NTM: variants seen among roughly 807,000 people sequenced by gnomAD.
The protein encoded by NTM is neurotrimin, also known as IgLON family member 2.
Under a neutral mutation model 42.1 loss-of-function variants are expected in NTM, and 13 were observed. The observed-to-expected ratio is 0.31, with a 90% CI of 0.20 to 0.49. NTM has a LOEUF of 0.49. NTM is among the 20% of genes least tolerant of loss of function. NTM has a pLI of 0.99. For synonymous variants in NTM, 187 were observed against 179.2 expected (o/e 1.04, Z -0.35); for missense variants, 373 against 452.8 (o/e 0.82, Z 1.60).
At chr11:132,268,027 T>C (rs1018984532) in intron 4 of NTM, among the ~76,000 whole-genome samples, 5 of 152,140 alleles carry the variant, frequency 3.3e-5, no homozygotes, top group African/African-American at 1.2e-4. Context: ...GGACAGGCTC[T>C]TAGGAGTCAA....
intron 1 of NTM, among the ~76,000 whole-genome samples, chr11:131,651,511 A>G (rs1207489694): frequency 1.3e-5 from 2 of 152,210 alleles, no homozygotes; most frequent in Non-Finnish European, 2.9e-5. Flanking sequence ...GCTCGGGACT[A>G]GTGCATTTAA....
chr11:131,424,795 T>TTCTGACC (rs1269290050), intron 1 of NTM, among the ~76,000 whole-genome samples: 1 of 148,138 alleles, frequency 6.8e-6, no homozygotes, highest in Non-Finnish European at 1.5e-5. Flanking sequence ...GGTCTGGATC[T>TTCTGACC]TCTGACCTCG....
intron 1 of NTM, among the ~76,000 whole-genome samples, chr11:131,507,191 G>A (rs1290296120): frequency 2.6e-5 from 4 of 152,204 alleles, no homozygotes; most frequent in African/African-American, 9.6e-5. Flanking sequence ...AACCTAAGTT[G>A]AAATTTGCTC....
chr11:132,240,615 C>A (rs1394302229), intron 4 of NTM, among the ~76,000 whole-genome samples: 1 of 152,194 alleles, frequency 6.6e-6, no homozygotes, highest in Admixed American at 6.5e-5. Context: ...CTGGAGACTA[C>A]GCATTTGCCA....
At chr11:131,831,203 AC>A (rs1565606220) in intron 1 of NTM, among the ~76,000 whole-genome samples, 1 of 152,038 alleles carries the variant, frequency 6.6e-6, no homozygotes, top group African/African-American at 2.4e-5. Context: ...GCTGGGACTC[AC>A]TTTTAAAATT....
chr11:131,818,419 C>G (rs1348155500), intron 1 of NTM, among the ~76,000 whole-genome samples: 1 of 152,154 alleles, frequency 6.6e-6, no homozygotes, highest in East Asian at 1.9e-4. Context: ...GGGACTATAT[C>G]CCTCTTGGCT....
chr11:132,310,170 A>G lies in NTM; in HGVS notation c.720A>G (p.Thr240=). Residue 240 remains threonine, a synonymous_variant, in exon 6 of 9, where the codon ACA becomes ACG. Transcript: ENST00000683400. ...GTGTCCCCGTGGGACAAAAGGGGAC[A>G]CTGCAGTGTGAAGCCTCAGCAGTCC... ...GTGVPVGQKG[T]LQCEASAVPS... is the part of the protein sequence containing the mutation. The G allele has an allele frequency of 2.5e-6, 4 of 1,611,304 alleles. No individual in the cohort carries two copies. Among genetic ancestry groups the G allele is most frequent in the East Asian group, 2.2e-5 (1 of 44,578 alleles).
At chr11:132,256,133 C>G (rs2092450237) in intron 4 of NTM, among the ~76,000 whole-genome samples, 2 of 152,106 alleles carry the variant, frequency 1.3e-5, no homozygotes, top group African/African-American at 4.8e-5. Context: ...TAGGAAGCAT[C>G]TCCTCATTCA....
At chr11:131,661,601 A>G (rs2068082227) in intron 1 of NTM, among the ~76,000 whole-genome samples, 1 of 152,208 alleles carries the variant, frequency 6.6e-6, no homozygotes, top group South Asian at 2.1e-4. Flanking sequence ...AGCATGAGGC[A>G]GGGTAGATTT....
At chr11:131,479,023 G>A (rs965275673) in intron 1 of NTM, among the ~76,000 whole-genome samples, 2 of 152,206 alleles carry the variant, frequency 1.3e-5, no homozygotes, top group East Asian at 1.9e-4. Flanking sequence ...TGCCCCGCAC[G>A]CCACCTTGCA....
intron 1 of NTM, among the ~76,000 whole-genome samples, chr11:131,903,528 C>A (rs1683641721): frequency 1.3e-5 from 2 of 152,184 alleles, no homozygotes; most frequent in Non-Finnish European, 2.9e-5. Flanking sequence ...AGATCCAGGG[C>A]AGCTCATTAA....
chr11:131,937,638 C>T (rs908839873), intron 2 of NTM, among the ~76,000 whole-genome samples: 1 of 152,234 alleles, frequency 6.6e-6, no homozygotes, highest in Non-Finnish European at 1.5e-5. Context: ...TCCCATTTCT[C>T]TAGTTACAGA....
At chr11:132,233,942 G>A (rs947918244) in intron 4 of NTM, among the ~76,000 whole-genome samples, 1 of 152,128 alleles carries the variant, frequency 6.6e-6, no homozygotes, top group Non-Finnish European at 1.5e-5. Flanking sequence ...ACCCTCCAGG[G>A]GTCCTCCCTG....
intron 2 of NTM, among the ~76,000 whole-genome samples, chr11:132,063,071 A>G (rs935273952): frequency 3.9e-5 from 6 of 152,102 alleles, no homozygotes; most frequent in African/African-American, 1.4e-4. Context: ...TTCAAGATCA[A>G]TGTCTCATCA....
intron 1 of NTM, among the ~76,000 whole-genome samples, chr11:131,500,614 T>A (rs1479746999): frequency 1.4e-5 from 2 of 145,022 alleles, no homozygotes; most frequent in Non-Finnish European, 3.0e-5. Context: ...CTTTAAGTTC[T>A]AGGGTACATG....
At chr11:132,062,441 A>G (rs1277237419) in intron 2 of NTM, among the ~76,000 whole-genome samples, 1 of 152,114 alleles carries the variant, frequency 6.6e-6, no homozygotes, top group Non-Finnish European at 1.5e-5. Context: ...GAGATTTTAT[A>G]AAAGGAACTT....
intron 3 of NTM, among the ~76,000 whole-genome samples, chr11:132,200,982 C>T (rs1376271494): frequency 6.6e-5 from 10 of 152,192 alleles, no homozygotes; most frequent in African/African-American, 2.2e-4. Context: ...ATGGCACAGA[C>T]TATTATAGCA....
chr11:131,747,844 T>C (rs1296679234), intron 1 of NTM, among the ~76,000 whole-genome samples: 1 of 152,172 alleles, frequency 6.6e-6, no homozygotes, highest in Non-Finnish European at 1.5e-5. Flanking sequence ...CTCCCCGTGT[T>C]CCTTAGCTTG....
chr11:131,962,754 G>T (rs2062362238), intron 2 of NTM, among the ~76,000 whole-genome samples: 1 of 152,160 alleles, frequency 6.6e-6, no homozygotes, highest in Non-Finnish European at 1.5e-5. Context: ...GGGCTCAGCA[G>T]CTGCAGCCTT....
Sources: allele counts gnomAD v4.1 joint callset (sites outside exome capture counted in the v4.1 genomes callset), GRCh38; gene constraint gnomAD v4.1.1; transcripts MANE v1.5; gene names NCBI Gene and HGNC (gene_info 2026-07-23, HGNC 2026-07-21).